The following TMEM217B variants were observed in gnomAD, a reference collection of about 807,000 sequenced individuals.
The protein encoded by TMEM217B is putative transmembrane protein 217B.
At chr6:37,230,342 C>T in the TMEM217B span, among the ~76,000 whole-genome samples, 3 of 152,158 alleles carry the variant, frequency 2.0e-5, no homozygotes, top group Non-Finnish European at 4.4e-5. Context: ...AGGTGTGATA[C>T]GAGGGGGCAA....
chr6:37,250,821 C>A, the TMEM217B span, among the ~76,000 whole-genome samples: 2 of 152,258 alleles, frequency 1.3e-5, no homozygotes, highest in Non-Finnish European at 2.9e-5. Flanking sequence ...TATTCTATTT[C>A]ATTAAAGGTC....
the TMEM217B span, among the ~76,000 whole-genome samples, chr6:37,231,333 G>C: frequency 1.4e-5 from 2 of 144,700 alleles, no homozygotes; most frequent in East Asian, 4.2e-4. Flanking sequence ...GCCTCCCAAA[G>C]TGCTGGGATT....
At chr6:37,257,815 C>A in the TMEM217B span, 157 of 1,311,700 alleles carry the variant, frequency 1.2e-4, no homozygotes, top group Non-Finnish European at 1.6e-4. Flanking sequence ...GGGTGACCGG[C>A]GGCGGGGAAG....
the TMEM217B span, among the ~76,000 whole-genome samples, chr6:37,238,076 G>A: frequency 2.0e-5 from 3 of 151,674 alleles, no homozygotes; most frequent in South Asian, 4.2e-4. Flanking sequence ...GTAAACAAAA[G>A]AGAGCCATGC....
At chr6:37,234,391 C>T in the TMEM217B span, among the ~76,000 whole-genome samples, 14 of 152,340 alleles carry the variant, frequency 9.2e-5, no homozygotes, top group Non-Finnish European at 1.5e-4. Context: ...TGAGCCACCA[C>T]GCCTTGCCAC....
the TMEM217B span, among the ~76,000 whole-genome samples, chr6:37,230,058 G>C: frequency 6.6e-6 from 1 of 152,228 alleles, no homozygotes; most frequent in African/African-American, 2.4e-5. Context: ...CTTGCTGGCT[G>C]TTAGCTGAGG....
At chr6:37,218,316 G>C in the TMEM217B span, 5 of 1,158,670 alleles carry the variant, frequency 4.3e-6, no homozygotes, top group Non-Finnish European at 5.9e-6. Flanking sequence ...TTACAGGTGT[G>C]TGCCGCCACG....
the TMEM217B span, among the ~76,000 whole-genome samples, chr6:37,231,763 T>C: frequency 6.8e-6 from 1 of 147,878 alleles, no homozygotes; most frequent in Non-Finnish European, 1.5e-5. Flanking sequence ...TTATTATATA[T>C]AATATATATT....
the TMEM217B span, among the ~76,000 whole-genome samples, chr6:37,220,538 AGCT>A: frequency 6.9e-6 from 1 of 145,956 alleles, no homozygotes; most frequent in Non-Finnish European, 1.5e-5. Flanking sequence ...TTGTAATCAT[AGCT>A]GGCCTTTTTT....
the TMEM217B span, chr6:37,215,101 T>C: frequency 6.6e-7 from 1 of 1,514,922 alleles, no homozygotes; most frequent in Non-Finnish European, 8.9e-7. Context: ...GTCTCCACCC[T>C]CGGCACCTCT....
At chr6:37,248,568 T>C in the TMEM217B span, among the ~76,000 whole-genome samples, 2 of 152,210 alleles carry the variant, frequency 1.3e-5, no homozygotes, top group East Asian at 1.9e-4. Context: ...TTGCTGTTCA[T>C]CTAGCTTGAG....
chr6:37,230,360 A>G, the TMEM217B span, among the ~76,000 whole-genome samples: 3 of 152,332 alleles, frequency 2.0e-5, no homozygotes, highest in Non-Finnish European at 4.4e-5. Flanking sequence ...CAAAGGCCAT[A>G]AGGGCTGTTA....
the TMEM217B span, among the ~76,000 whole-genome samples, chr6:37,224,679 C>T: frequency 7.1e-3 from 1,079 of 152,014 alleles, 18 homozygotes; most frequent in African/African-American, 0.025. Flanking sequence ...TGGTCTCAAA[C>T]TCCTGGCCTC....
At chr6:37,229,349 T>G in the TMEM217B span, among the ~76,000 whole-genome samples, 1 of 134,844 alleles carries the variant, frequency 7.4e-6, no homozygotes, top group East Asian at 2.2e-4. Context: ...TTTTTTTTTT[T>G]TTTTTTTTTT....
the TMEM217B span, among the ~76,000 whole-genome samples, chr6:37,223,471 T>C: frequency 6.6e-6 from 1 of 152,198 alleles, no homozygotes; most frequent in Non-Finnish European, 1.5e-5. Context: ...AACAAACAAA[T>C]AGAAACCCCT....
the TMEM217B span, among the ~76,000 whole-genome samples, chr6:37,242,008 ATTTTTT>A: frequency 2.3e-5 from 3 of 130,034 alleles, no homozygotes; most frequent in Non-Finnish European, 3.3e-5. Flanking sequence ...TTCGATCTCA[ATTTTTT>A]TTTTTTTTTT....
the TMEM217B span, chr6:37,257,669 C>T: frequency 7.0e-5 from 37 of 525,234 alleles, no homozygotes; most frequent in African/African-American, 6.1e-4. Context: ...CTGACGTTAC[C>T]GGTCGGCTTC....
chr6:37,229,948 C>A, the TMEM217B span, among the ~76,000 whole-genome samples: 1 of 152,148 alleles, frequency 6.6e-6, no homozygotes, highest in Non-Finnish European at 1.5e-5. Context: ...GCTAGCGGGA[C>A]CCTTCTTGGG....
the TMEM217B span, among the ~76,000 whole-genome samples, chr6:37,241,456 G>C: frequency 1.3e-5 from 2 of 152,110 alleles, no homozygotes; most frequent in Non-Finnish European, 2.9e-5. Context: ...TGAGCACTAG[G>C]GATTCTGTCT....
Sources: allele counts gnomAD v4.1 joint callset (sites outside exome capture counted in the v4.1 genomes callset), GRCh38; gene constraint gnomAD v4.1.1; transcripts MANE v1.5; gene names NCBI Gene and HGNC (gene_info 2026-07-23, HGNC 2026-07-21).